Variants in SEMA4D observed in about 807,000 individuals in gnomAD.
SEMA4D encodes semaphorin-4D.
Under a neutral mutation model 74.8 loss-of-function variants are expected in SEMA4D, and 22 were observed. That is an observed-to-expected ratio of 0.29 (90% CI 0.21 to 0.42). The LOEUF (loss-of-function observed/expected upper bound fraction) is 0.42, where lower values mean the gene tolerates loss of function less well. Among genes scored for constraint, SEMA4D ranks in the 10% least tolerant of loss-of-function variants. SEMA4D has a pLI of 1.00. For synonymous variants in SEMA4D, 445 were observed against 463.7 expected, an observed-to-expected ratio of 0.96 and a Z score of 0.52; for missense variants, 937 against 1,118.4, an observed-to-expected ratio of 0.84 and a Z score of 2.31.
downstream of SEMA4D, among the ~76,000 whole-genome samples, chr9:89,375,583 A>G (rs962531178): frequency 3.9e-5 from 6 of 152,158 alleles, no homozygotes; most frequent in African/African-American, 1.2e-4. Flanking sequence ...AAAGAGAGCA[A>G]TTGGGTTTGC....
At chr9:89,488,919 T>C (rs766649118) in intron 1 of SEMA4D, among the ~76,000 whole-genome samples, 19 of 152,210 alleles carry the variant, frequency 1.2e-4, no homozygotes, top group Non-Finnish European at 1.5e-5. Flanking sequence ...GAGTCAAGAA[T>C]ATGTAAAGAA....
chr9:89,426,653 C>T (rs1848183917), intron 2 of SEMA4D, among the ~76,000 whole-genome samples: 1 of 152,170 alleles, frequency 6.6e-6, no homozygotes, highest in African/African-American at 2.4e-5. Context: ...TACCGTCGTG[C>T]GCAGACACCA....
Position 89,391,295 on chromosome 9 carries a change from A to G in SEMA4D, c.743T>C (p.Val248Ala), listed in dbSNP as rs1192116846. ...CACTCTTGCTATCCGTGGGATCAGCACCCTGAACACAAACTCATACTCCAC... is the reference window on the plus strand; with the variant it reads ...CACTCTTGCTATCCGTGGGATCAGCGCCCTGAACACAAACTCATACTCCAC... ...VSVEYEFVFR[V>A]LIPRIARVCK... Residue 248 changes from valine to alanine, a missense_variant, in exon 9 of 16, where the codon GTG (valine) becomes GCG (alanine). Physicochemically the swap from Val to Ala is moderately conservative, Grantham distance 64. Coordinates refer to ENST00000422704, the MANE Select transcript of SEMA4D (RefSeq NM_001371194.2). 1.2e-6 allele frequency: 2 copies of G among 1,614,258 alleles called. No individual in the cohort carries two copies. The highest frequency in any genetic ancestry group is 3.3e-5 in the Admixed American group (2 of 60,034).
chr9:89,412,939 T>A (rs1430169109), intron 2 of SEMA4D, among the ~76,000 whole-genome samples: 1 of 152,212 alleles, frequency 6.6e-6, no homozygotes, highest in East Asian at 1.9e-4. Context: ...CTGCGAGTTC[T>A]TTCAGAACAG....
At chr9:89,371,785 G>T (rs1834920854) in intron 16 of SEMA4D, among the ~76,000 whole-genome samples, 1 of 66,736 alleles carries the variant, frequency 1.5e-5, no homozygotes, top group African/African-American at 5.8e-5. Context: ...TGTGTGTCGG[G>T]GTGTGTTTGG....
chr9:89,400,654 T>G (rs767132349), intron 4 of SEMA4D, among the ~76,000 whole-genome samples: 3 of 152,200 alleles, frequency 2.0e-5, no homozygotes, highest in Non-Finnish European at 4.4e-5. Context: ...GCCACTTCCT[T>G]CAGCATTTAA....
At position 89,363,960 on chromosome 9, in the gene SEMA4D, C is replaced by T. The variant is rs370325037; in HGVS notation, c.1883-10G>A. 9 of 1,613,942 alleles carry T rather than the reference C, an allele frequency of 5.6e-6. No individual in the cohort carries two copies. The African/African-American group carries it at 9.3e-5, about 17-fold the overall frequency. ...CGAATGTCTGCAGGACCTGGGGACA[C>T]AGACCGTTTCCACCTCTGAGTCCAC... On this transcript the variant is annotated splice_polypyrimidine_tract_variant and intron_variant, in intron 16 of 18. Transcript: ENST00000339861.
At chr9:89,372,583 C>T (rs1191447236), downstream of SEMA4D, among the ~76,000 whole-genome samples, 1 of 151,906 alleles carries the variant, frequency 6.6e-6, no homozygotes, top group African/African-American at 2.4e-5. Flanking sequence ...GGCCGCTGTC[C>T]CTCCTGTGCG....
intron 1 of SEMA4D, among the ~76,000 whole-genome samples, chr9:89,471,805 C>G (rs1036664310): frequency 7.4e-6 from 1 of 135,512 alleles, no homozygotes; most frequent in Non-Finnish European, 1.6e-5. Flanking sequence ...AGGGTGCACA[C>G]TGGCTCAGGT....
At chr9:89,385,065 G>A in intron 13 of SEMA4D, 1 of 983,880 alleles carries the variant, frequency 1.0e-6, no homozygotes, top group Non-Finnish European at 1.2e-6. Flanking sequence ...CTCCTCCTGG[G>A]CGCGAGGCTC....
chr9:89,488,771 TA>T (rs1825399461), intron 1 of SEMA4D, among the ~76,000 whole-genome samples: 2 of 152,200 alleles, frequency 1.3e-5, no homozygotes, highest in Admixed American at 6.5e-5. Flanking sequence ...AAAGATTTCT[TA>T]AATAGGGTAC....
At chr9:89,361,043 A>G (rs1331778515) in exon 19 of SEMA4D, 2 of 152,354 alleles carry the variant, frequency 1.3e-5, no homozygotes, top group Non-Finnish European at 2.9e-5. Flanking sequence ...ACCCAAAGCA[A>G]GAACCACAGT....
intron 16 of SEMA4D, among the ~76,000 whole-genome samples, chr9:89,370,514 C>G (rs1834411516): frequency 6.9e-6 from 1 of 145,354 alleles, no homozygotes; most frequent in African/African-American, 2.6e-5. Flanking sequence ...GTGTGTGATG[C>G]TGGCATGTGG....
At chr9:89,396,060 G>A (rs889869670) in intron 6 of SEMA4D, among the ~76,000 whole-genome samples, 4 of 152,164 alleles carry the variant, frequency 2.6e-5, no homozygotes, top group Admixed American at 6.5e-5. Context: ...CGTCACACAG[G>A]GGGAGGTGCC....
chr9:89,486,591 T>C (rs1244613379), intron 1 of SEMA4D, among the ~76,000 whole-genome samples: 2 of 152,102 alleles, frequency 1.3e-5, no homozygotes, highest in East Asian at 3.8e-4. Flanking sequence ...GAATTCATAA[T>C]TAAAAGCCTC....
intron 1 of SEMA4D, among the ~76,000 whole-genome samples, chr9:89,468,536 T>C (rs1187677130): frequency 6.6e-6 from 1 of 152,210 alleles, no homozygotes; most frequent in Non-Finnish European, 1.5e-5. Context: ...TCTAAAAACA[T>C]ACCACTCCTT....
chr9:89,369,866 A>ATGTGTGTG lies in SEMA4D; in HGVS notation c.1883-5924_1883-5917dup, dbSNP rs149822470. Among the ~76,000 whole-genome samples, 300 of 151,360 alleles carry ATGTGTGTG rather than the reference A, an allele frequency of 2.0e-3. 1 individual carries two copies. Among genetic ancestry groups the ATGTGTGTG allele is most frequent in the African/African-American group, 5.6e-3 (231 of 41,274 alleles). Reference sequence around the variant, plus strand: ...GAGTTGAAACGATCCTAAGTCAACAATGTGTGTGTGTGTGTGTATGGTTGT... The same window carrying ATGTGTGTG: ...GAGTTGAAACGATCCTAAGTCAACAATGTGTGTGTGTGTGTGTGTGTGTGTATGGTTGT... On this transcript the variant is annotated intron_variant, in intron 16 of 18. Coordinates refer to the SEMA4D transcript ENST00000339861.
At chr9:89,363,831 C>G (rs773495302) in exon 17 of SEMA4D, 2 of 1,614,002 alleles carry the variant, frequency 1.2e-6, no homozygotes, top group East Asian at 4.5e-5. Flanking sequence ...TCCCTGATGG[C>G]GTCCTGCAGC....
intron 16 of SEMA4D, among the ~76,000 whole-genome samples, chr9:89,371,431 TGTGTGTGGGGTGTG>T (rs1315310305): frequency 1.7e-3 from 131 of 78,986 alleles, no homozygotes; most frequent in Non-Finnish European, 2.2e-3. Flanking sequence ...GTCTGGGGTG[TGTGTGTGGGGTGTG>T]GTGTGTGTCT....
Sources: gnomAD v4.1 joint callset for allele counts (sites outside exome capture counted in the v4.1 genomes callset) on GRCh38, gnomAD v4.1.1 for gene constraint, MANE v1.5 for transcripts, NCBI Gene and HGNC (gene_info 2026-07-23, HGNC 2026-07-21) for gene names.